The following MALRD1 variants were observed in gnomAD, a reference collection of about 807,000 sequenced individuals.
The protein encoded by MALRD1 is MAM and LDL receptor class A domain containing 1.
In MALRD1, 247 loss-of-function variants were observed where a neutral mutation model predicts 242.1. That is an observed-to-expected ratio of 1.02 (90% confidence interval 0.92 to 1.13). The LOEUF (loss-of-function observed/expected upper bound fraction) is 1.13, where lower values mean the gene tolerates loss of function less well. MALRD1 is among the 50% of genes most tolerant of loss of function. The pLI is 0.00. For missense variants in MALRD1, 2,989 were observed against 2,533.1 expected, an observed-to-expected ratio of 1.18 and a Z score of -3.86; for synonymous variants, 995 against 866.6, an observed-to-expected ratio of 1.15 and a Z score of -2.60.
Position 19,456,496 on chromosome 10 carries a change from A to G in MALRD1, c.5029+6006A>G, listed in dbSNP as rs561169924. Among the ~76,000 whole-genome samples, 4 of 152,256 alleles carry G rather than the reference A, an allele frequency of 2.6e-5. No individual in the cohort carries two copies. The South Asian group carries it at 8.3e-4, about 32-fold the overall frequency. ...CAAATTGAACTTGGGAGATCACAAA[A>G]CAGTGATTGCTTTATATAAAGTTCA... On this transcript the variant is annotated intron_variant, in intron 29 of 39. Coordinates refer to ENST00000454679, the MANE Select transcript of MALRD1 (RefSeq NM_001142308.3).
intron 29 of MALRD1, among the ~76,000 whole-genome samples, chr10:19,489,568 C>CT (rs932239757): frequency 6.6e-6 from 1 of 151,796 alleles, no homozygotes; most frequent in African/African-American, 2.4e-5. Flanking sequence ...AGTGTAAATG[C>CT]TTTTTTTTAA....
chr10:19,467,612 G>A (rs1196245360), intron 29 of MALRD1, among the ~76,000 whole-genome samples: 2 of 151,472 alleles, frequency 1.3e-5, no homozygotes, highest in African/African-American at 2.4e-5. Context: ...CAATAATGCT[G>A]CAGTCCTCAT....
chr10:19,465,324 C>A (rs1836164346), intron 29 of MALRD1, among the ~76,000 whole-genome samples: 1 of 152,088 alleles, frequency 6.6e-6, no homozygotes, highest in Non-Finnish European at 1.5e-5. Context: ...TTTCCCCTTT[C>A]AGTATTCTGT....
At chr10:19,310,066 C>G (rs2131986483) in intron 21 of MALRD1, among the ~76,000 whole-genome samples, 1 of 151,512 alleles carries the variant, frequency 6.6e-6, no homozygotes, top group Middle Eastern at 3.4e-3. Flanking sequence ...CTCTCACTTT[C>G]CAATCTCTTG....
chr10:19,169,323 C>T (rs1320320288), intron 13 of MALRD1, among the ~76,000 whole-genome samples: 1 of 152,080 alleles, frequency 6.6e-6, no homozygotes, highest in Non-Finnish European at 1.5e-5. Context: ...GTGAATCAGT[C>T]TGGATTTTAT....
intron 21 of MALRD1, among the ~76,000 whole-genome samples, chr10:19,311,373 A>C (rs1284585933): frequency 6.6e-6 from 1 of 151,478 alleles, no homozygotes; most frequent in East Asian, 1.9e-4. Flanking sequence ...ATTTTCTCAT[A>C]TCTACTTTAA....
chr10:19,692,264 AT>A lies in MALRD1; in HGVS notation c.6138-14del. On this transcript the variant is annotated splice_polypyrimidine_tract_variant and intron_variant, in intron 36 of 39. Coordinates refer to ENST00000454679, the MANE Select transcript of MALRD1 (RefSeq NM_001142308.3). Reference sequence around the variant, plus strand: ...CACTTTTCTTTTTTCCAACTATTTTATTTTATCTCCTTTCCAGATGTAGACA... The same window carrying A: ...CACTTTTCTTTTTTCCAACTATTTTATTTATCTCCTTTCCAGATGTAGACA... The A allele has an allele frequency of 2.0e-6, 3 of 1,521,146 alleles. No individual in the cohort carries two copies. Among genetic ancestry groups the A allele is most frequent in the Non-Finnish European group, 1.8e-6 (2 of 1,137,286 alleles). The allele number at this position is 1,521,146 out of a possible 1,614,324, so 94.2% of individuals were successfully genotyped here.
chr10:19,455,191 T>A (rs1350606325), intron 29 of MALRD1, among the ~76,000 whole-genome samples: 1 of 152,190 alleles, frequency 6.6e-6, no homozygotes. Flanking sequence ...ACAGAAATCT[T>A]ATAAAATGTA....
At chr10:19,286,933 C>T (rs546584438) in intron 21 of MALRD1, among the ~76,000 whole-genome samples, 1 of 150,976 alleles carries the variant, frequency 6.6e-6, no homozygotes, top group African/African-American at 2.4e-5. Flanking sequence ...AAAATACTGG[C>T]AAACCGAATC....
At chr10:19,708,941 G>A (rs2131866230) in intron 38 of MALRD1, among the ~76,000 whole-genome samples, 1 of 122,326 alleles carries the variant, frequency 8.2e-6, no homozygotes, top group East Asian at 2.5e-4. Context: ...GGGATTACAG[G>A]CATGAGCCAC....
intron 18 of MALRD1, among the ~76,000 whole-genome samples, chr10:19,234,772 G>A (rs1316909528): frequency 6.6e-6 from 1 of 152,124 alleles, no homozygotes; most frequent in East Asian, 1.9e-4. Flanking sequence ...TCCTCATGGA[G>A]TTTATTTTAA....
At chr10:19,079,157 C>G (rs1039612725) in intron 2 of MALRD1, among the ~76,000 whole-genome samples, 1 of 151,506 alleles carries the variant, frequency 6.6e-6, no homozygotes, top group African/African-American at 2.4e-5. Flanking sequence ...ATAACTGCAT[C>G]CCAACCATTT....
chr10:19,056,502 T>C (rs151237741), intron 1 of MALRD1, among the ~76,000 whole-genome samples: 21 of 152,286 alleles, frequency 1.4e-4, no homozygotes, highest in Non-Finnish European at 2.4e-4. Context: ...CTTATTAGTA[T>C]ATAGAAAAAC....
intron 35 of MALRD1, among the ~76,000 whole-genome samples, chr10:19,611,002 G>T (rs933730591): frequency 6.6e-6 from 1 of 151,882 alleles, no homozygotes; most frequent in African/African-American, 2.4e-5. Context: ...GGAGAAGATG[G>T]AGAGAACAAG....
At chr10:19,248,543 C>T (rs1265666381) in intron 18 of MALRD1, among the ~76,000 whole-genome samples, 1 of 151,816 alleles carries the variant, frequency 6.6e-6, no homozygotes, top group Non-Finnish European at 1.5e-5. Flanking sequence ...ATTTGTATAG[C>T]TTCCTCTGTC....
At position 19,255,315 on chromosome 10, in the gene MALRD1, A is replaced by G. The variant is rs141299254; in HGVS notation, c.2992-2369A>G. Among the ~76,000 whole-genome samples the G allele has an allele frequency of 8.8e-3, 1,336 of 152,096 alleles. 22 individuals carry two copies. Among genetic ancestry groups the G allele is most frequent in the African/African-American group, 0.031 (1,272 of 41,520 alleles). On this transcript the variant is annotated intron_variant, in intron 18 of 39. Coordinates refer to ENST00000454679, the MANE Select transcript of MALRD1 (RefSeq NM_001142308.3). Reference sequence around the variant, plus strand: ...TTCCGGAATCAATACTGTCTTATATACAATGTATAATGCTTGTGTTTTGAT... The same window carrying G: ...TTCCGGAATCAATACTGTCTTATATGCAATGTATAATGCTTGTGTTTTGAT...
At chr10:19,195,536 A>T (rs55755110) in intron 14 of MALRD1, among the ~76,000 whole-genome samples, 25,434 of 152,044 alleles carry the variant, frequency 0.17, 2,296 homozygotes, top group Non-Finnish European at 0.2. Flanking sequence ...CTTCCCCTGG[A>T]TGTTTAATTG....
At chr10:19,465,494 C>T (rs1351258047) in intron 29 of MALRD1, among the ~76,000 whole-genome samples, 1 of 152,142 alleles carries the variant, frequency 6.6e-6, no homozygotes, top group East Asian at 1.9e-4. Flanking sequence ...CACATACTCT[C>T]TGTTGAGGTT....
At chr10:19,652,708 C>A (rs191986015) in intron 36 of MALRD1, among the ~76,000 whole-genome samples, 3 of 152,194 alleles carry the variant, frequency 2.0e-5, no homozygotes, top group East Asian at 3.9e-4. Flanking sequence ...AATTGTATAC[C>A]CTGTGATTGT....
Sources: allele counts gnomAD v4.1 joint callset (sites outside exome capture counted in the v4.1 genomes callset), GRCh38; gene constraint gnomAD v4.1.1; transcripts MANE v1.5; gene names NCBI Gene and HGNC (gene_info 2026-07-23, HGNC 2026-07-21).